MMP11: variants seen among roughly 807,000 people sequenced by gnomAD.
The protein encoded by MMP11 is matrix metallopeptidase 11.
A neutral mutation model predicts 49.5 loss-of-function variants in MMP11; 26 were observed. That is an observed-to-expected ratio of 0.52 (90% CI 0.38 to 0.73). The LOEUF is 0.73. Among genes scored for constraint, MMP11 ranks in the 30% least tolerant of loss-of-function variants. MMP11 has a pLI of 0.00. For missense variants in MMP11, 624 were observed against 671.2 expected (o/e 0.93, Z 0.78); for synonymous variants, 265 against 282.3 (o/e 0.94, Z 0.62).
chr22:23,775,043 C>T (rs999647223), intron 1 of MMP11, among the ~76,000 whole-genome samples: 2 of 152,190 alleles, frequency 1.3e-5, no homozygotes, highest in Non-Finnish European at 2.9e-5. Context: ...CACCACAGGG[C>T]AGGCCAAGGG....
intron 6 of MMP11, chr22:23,781,680 G>A (rs1433304780): frequency 1.2e-5 from 8 of 650,918 alleles, no homozygotes; most frequent in East Asian, 1.2e-4. Context: ...CCCATGGGGC[G>A]GGGTTCTAGA....
At chr22:23,773,075 G>C in intron 1 of MMP11, 97 bp downstream of exon 1, 1 of 1,071,720 alleles carries the variant, frequency 9.3e-7, no homozygotes, top group Middle Eastern at 4.3e-4. Flanking sequence ...GGGCGCCCCG[G>C]GTGGCCTCCA....
intron 6 of MMP11, 160 bp from the exon 7 acceptor site, chr22:23,782,066 C>A: frequency 9.2e-7 from 1 of 1,082,874 alleles, no homozygotes; most frequent in Non-Finnish European, 1.4e-6. Flanking sequence ...TCCCGCTTCC[C>A]TCTGCGGGTG....
At position 23,779,416 on chromosome 22, in the gene MMP11, G is replaced by A; in HGVS notation, c.338G>A (p.Arg113Lys). ...TGGGAGAAGACGGACCTCACCTACA[G>A]GTAGGGGCCTGGGAGCAGGACACTA... ...GRWEKTDLTY[R>K]ILRFPWQLVQ... Residue 113 changes from arginine to lysine, a missense_variant and splice_region_variant, in exon 2 of 8, where the codon AGG becomes AAG. Transcript: ENST00000215743. The A allele has an allele frequency of 6.2e-7, 1 of 1,609,522 alleles. No individual in the cohort carries two copies. The highest frequency in any genetic ancestry group is 2.2e-5 in the East Asian group (1 of 44,748).
intron 6 of MMP11, chr22:23,781,930 G>A: frequency 1.5e-6 from 1 of 669,704 alleles, no homozygotes; most frequent in Non-Finnish European, 2.8e-6. Flanking sequence ...GGAGTGGTCA[G>A]TAGGCATTTG....
rs767999895 is a variant in MMP11 at position 23,783,675 on chromosome 22, G to A, written c.*131G>A. On this transcript the variant is annotated 3_prime_UTR_variant, in exon 8 of 8. Coordinates refer to ENST00000215743, the MANE Select transcript of MMP11 (RefSeq NM_005940.5). ...AGCCCATGTCTCCTCAGGGGGATGG[G>A]GTGGGGTACAACCACCATGACAACT... 6.9e-6 allele frequency: 9 copies of A among 1,307,908 alleles called. No individual in the cohort carries two copies. The highest frequency in any genetic ancestry group is 2.9e-5 in the African/African-American group (2 of 68,656). The allele number at this position is 1,307,908 out of a possible 1,614,324, so 81.0% of individuals were successfully genotyped here.
Position 23,782,304 on chromosome 22 carries a change from T to G in MMP11, c.1154T>G (p.Phe385Cys), listed in dbSNP as rs1402738554. 6.2e-7 allele frequency: 1 copy of G among 1,613,876 alleles called. No individual in the cohort carries two copies. The highest frequency in any genetic ancestry group is 8.5e-7 in the Non-Finnish European group (1 of 1,179,984). ...CTCACCGAGCTGGGCCTGGTGAGGT[T>G]CCCGGTCCATGCTGCCTTGGTCTGG... ...APLTELGLVR[F>C]PVHAALVWGP... Residue 385 changes from phenylalanine to cysteine, a missense_variant, in exon 7 of 8, where the codon TTC (phenylalanine) becomes TGC (cysteine). Phe to Cys is a radical substitution (Grantham distance 205). Coordinates refer to ENST00000215743, the MANE Select transcript of MMP11 (RefSeq NM_005940.5).
intron 7 of MMP11, 69 bp from the exon 8 acceptor site, chr22:23,783,342 G>A: frequency 1.3e-6 from 2 of 1,592,706 alleles, no homozygotes; most frequent in South Asian, 1.1e-5. Context: ...CCATCCCTGG[G>A]CACAGCCTGA....
intron 6 of MMP11, chr22:23,781,794 G>A (rs906694198): frequency 1.7e-6 from 1 of 588,978 alleles, no homozygotes; most frequent in African/African-American, 1.8e-5. Flanking sequence ...CTAGAGCTGG[G>A]ATTTCCATCC....
chr22:23,781,488 G>T, intron 6 of MMP11, 79 bp downstream of exon 6: 1 of 1,308,948 alleles, frequency 7.6e-7, no homozygotes. Flanking sequence ...ACAGACAGAT[G>T]GATCCTTAGG....
chr22:23,772,869 G>C lies in MMP11; in HGVS notation c.-2G>C. 1.7e-6 allele frequency: 2 copies of C among 1,155,466 alleles called. No individual in the cohort carries two copies. The highest frequency in any genetic ancestry group is 4.1e-5 in the East Asian group (1 of 24,100). The allele number at this position is 1,155,466 out of a possible 1,614,324, so 71.6% of individuals were successfully genotyped here. On this transcript the variant is annotated 5_prime_UTR_variant, in exon 1 of 8. Coordinates refer to ENST00000215743, the MANE Select transcript of MMP11 (RefSeq NM_005940.5). ...CCAGCAAGCCCAGCAGCCCCGGGGC[G>C]GATGGCTCCGGCCGCCTGGCTCCGC...
chr22:23,773,067 G>A (rs1927289702), intron 1 of MMP11, 89 bp downstream of exon 1: 1 of 1,086,792 alleles, frequency 9.2e-7, no homozygotes, highest in East Asian at 5.9e-5. Context: ...ACCGAAGGGG[G>A]CGCCCCGGGT....
chr22:23,780,042 A>C lies in MMP11; in HGVS notation c.339-317A>C. 1.1e-5 allele frequency: 4 copies of C among 374,128 alleles called. No individual in the cohort carries two copies. Among genetic ancestry groups the C allele is most frequent in the Admixed American group, 3.8e-5 (1 of 25,984 alleles). The allele number at this position is 374,128 out of a possible 1,614,324, so 23.2% of individuals were successfully genotyped here. A position where few individuals can be genotyped will look rare whatever the true frequency, so the allele number is the denominator to read the frequency against. ...GAATTTCCTAGGTGGGGGCCTGGGAACCAACAGGGGCTCAAGGAACCAAGG... is the reference window on the plus strand; with the variant it reads ...GAATTTCCTAGGTGGGGGCCTGGGACCCAACAGGGGCTCAAGGAACCAAGG... On this transcript the variant is annotated intron_variant, in intron 2 of 7. Transcript: ENST00000215743. This position sits in a 1 kb window ranked among gnomAD's most constrained non-coding sequence, Gnocchi z 4.6.
chr22:23,781,369 T>TG lies in MMP11; in HGVS notation c.1036dup (p.Ala346GlyfsTer23). On this transcript the variant is annotated frameshift_variant, in exon 6 of 8. Transcript: ENST00000215743. LOFTEE classifies it high-confidence loss of function. Reference sequence around the variant, plus strand: ...AGGGACTGCCCAGCCCTGTGGACGCTGCCTTCGAGGATGCCCAGGGCCACA... The same window carrying TG: ...AGGGACTGCCCAGCCCTGTGGACGCTGGCCTTCGAGGATGCCCAGGGCCACA... 2 of 1,612,678 alleles carry TG rather than the reference T, an allele frequency of 1.2e-6. No individual in the cohort carries two copies. Among genetic ancestry groups the TG allele is most frequent in the Non-Finnish European group, 1.7e-6 (2 of 1,179,480 alleles).
At chr22:23,773,340 CG>C (rs1413167501) in intron 1 of MMP11, among the ~76,000 whole-genome samples, 1 of 152,260 alleles carries the variant, frequency 6.6e-6, no homozygotes, top group South Asian at 2.1e-4. Context: ...GGGACAAAGC[CG>C]AGCAGATCCC....
rs1290231351 is a variant in MMP11 at position 23,781,280 on chromosome 22, G to A, written c.946G>A (p.Val316Met). 6.2e-7 allele frequency: 1 copy of A among 1,612,048 alleles called. No individual in the cohort carries two copies. The highest frequency in any genetic ancestry group is 8.5e-7 in the Non-Finnish European group (1 of 1,180,032). Residue 316 changes from valine to methionine, a missense_variant, in exon 6 of 8, where the codon GTG (valine) becomes ATG (methionine). Physicochemically the swap from Val to Met is conservative, Grantham distance 21. Coordinates refer to ENST00000215743, the MANE Select transcript of MMP11 (RefSeq NM_005940.5). ...GCTCTTTTTCTTCAAAGCGGGCTTT[G>A]TGTGGCGCCTCCGTGGGGGCCAGCT... is the stretch of plus-strand genomic sequence containing the variant. ...GELFFFKAGF[V>M]WRLRGGQLQP...
Position 23,781,394 on chromosome 22 carries a change from A to T in MMP11, c.1060A>T (p.Ile354Phe). 1 of 1,605,694 alleles carries T rather than the reference A, an allele frequency of 6.2e-7. No individual in the cohort carries two copies. Among genetic ancestry groups the T allele is most frequent in the Admixed American group, 1.7e-5 (1 of 58,510 alleles). Reference protein sequence around the residue: ...DAAFEDAQGHIWFFQGAQYWV... With the variant: ...DAAFEDAQGHFWFFQGAQYWV... ...TGCCTTCGAGGATGCCCAGGGCCAC[A>T]TTTGGTTCTTCCAAGGTGAGTGGGG... is the stretch of plus-strand genomic sequence containing the variant. The change falls in exon 6 of 8, where the codon ATT becomes TTT. Residue 354 changes from isoleucine to phenylalanine, a missense_variant. Ile to Phe is a conservative substitution (Grantham distance 21, BLOSUM62 0). Coordinates refer to ENST00000215743, the MANE Select transcript of MMP11 (RefSeq NM_005940.5).
Position 23,780,326 on chromosome 22 carries a change from C to A in MMP11, c.339-33C>A. Reference sequence around the variant, plus strand: ...CCTCAGCCATCGGGGGCTGTCCCTTCCCTGAGGCCCAGGCCCCTCCATCTC... The same window carrying A: ...CCTCAGCCATCGGGGGCTGTCCCTTACCTGAGGCCCAGGCCCCTCCATCTC... On this transcript the variant is annotated intron_variant, in intron 2 of 7. Transcript: ENST00000215743. The surrounding 1 kb of genome is among the most constrained non-coding windows in gnomAD (Gnocchi z 4.6). 1 of 1,611,880 alleles carries A rather than the reference C, an allele frequency of 6.2e-7. No homozygotes were observed. The highest frequency in any genetic ancestry group is 1.1e-5 in the South Asian group (1 of 90,986).
rs371614156 is a variant in MMP11 at position 23,782,291 on chromosome 22, G to A, written c.1141G>A (p.Gly381Ser). 6.2e-7 allele frequency: 1 copy of A among 1,613,812 alleles called. No homozygotes were observed. The highest frequency in any genetic ancestry group is 1.3e-5 in the African/African-American group (1 of 74,878). ...VLGPAPLTEL[G>S]LVRFPVHAAL... ...GGGCCCCGCACCCCTCACCGAGCTG[G>A]GCCTGGTGAGGTTCCCGGTCCATGC... is the stretch of plus-strand genomic sequence containing the variant. The change falls in exon 7 of 8, where the codon GGC becomes AGC. Residue 381 changes from glycine (G) to serine (S), a missense_variant. Coordinates refer to ENST00000215743, the MANE Select transcript of MMP11 (RefSeq NM_005940.5).
Sources: allele counts gnomAD v4.1 joint callset (sites outside exome capture counted in the v4.1 genomes callset), GRCh38; gene constraint gnomAD v4.1.1; non-coding constraint Gnocchi (gnomAD v3.1); transcripts MANE v1.5; gene names NCBI Gene and HGNC (gene_info 2026-07-23, HGNC 2026-07-21).